SMC3: variants seen among roughly 807,000 people sequenced by gnomAD.
SMC3 encodes the protein structural maintenance of chromosomes protein 3.
A neutral mutation model predicts 171.8 loss-of-function variants in SMC3; 20 were observed. That is an observed-to-expected ratio of 0.12 (90% CI 0.08 to 0.17). The LOEUF (loss-of-function observed/expected upper bound fraction) is 0.17, where lower values mean the gene tolerates loss of function less well. Ranked by LOEUF, SMC3 falls within the 10% of genes least tolerant of loss-of-function variation. The pLI is 1.00. For missense variants in SMC3, 543 were observed against 1,420.4 expected, an observed-to-expected ratio of 0.38 and a Z score of 9.93; for synonymous variants, 464 against 451.1, an observed-to-expected ratio of 1.03 and a Z score of -0.36.
Position 110,602,099 on chromosome 10 carries a change from G to C in SMC3, c.3026G>C (p.Arg1009Thr), listed in dbSNP as rs1861396105. ...KLIKRQEELDRGYKSIMELMN... is the reference protein window; with the variant it reads ...KLIKRQEELDTGYKSIMELMN... ...ATAAAGCGTCAAGAAGAGTTAGATA[G>C]GGGTTACAAATCAATCATGGAACTG... The change falls in exon 25 of 29, where the codon AGG becomes ACG. Residue 1009 changes from arginine (R) to threonine (T), a missense_variant. Around this residue, in one of 8 missense-constraint regions of SMC3, gnomAD observed 81 missense variants for 184.2 expected, o/e 0.44. Transcript: ENST00000361804. The C allele has an allele frequency of 6.2e-7, 1 of 1,613,600 alleles. No individual in the cohort carries two copies. Among genetic ancestry groups the C allele is most frequent in the Non-Finnish European group, 8.5e-7 (1 of 1,179,718 alleles).
intron 19 of SMC3, 84 bp from the exon 20 acceptor site, chr10:110,598,055 G>GATA: frequency 8.1e-7 from 1 of 1,237,642 alleles, no homozygotes; most frequent in East Asian, 2.3e-5. Flanking sequence ...GAAAAGGAAG[G>GATA]GATACATGGT....
At chr10:110,594,752 G>T (rs778277982) in intron 18 of SMC3, among the ~76,000 whole-genome samples, 63 of 151,730 alleles carry the variant, frequency 4.2e-4, no homozygotes, top group Non-Finnish European at 8.1e-4. Flanking sequence ...TTTTGTTGTG[G>T]TTGTTTTTGA....
intron 7 of SMC3, among the ~76,000 whole-genome samples, chr10:110,580,006 A>G (rs1422748460): frequency 6.6e-6 from 1 of 152,178 alleles, no homozygotes; most frequent in Non-Finnish European, 1.5e-5. Flanking sequence ...CACATCTGCA[A>G]GTTCAGCCAA....
At chr10:110,602,218 C>CA in intron 25 of SMC3, 40 bp downstream of exon 25, 4 of 1,512,072 alleles carry the variant, frequency 2.6e-6, no homozygotes, top group Non-Finnish European at 3.7e-6. Context: ...ACACAGAGGA[C>CA]AAAAGCTTCC....
chr10:110,603,151 G>T (rs1215298139), intron 27 of SMC3, 33 bp from the exon 28 acceptor site: 1 of 1,563,062 alleles, frequency 6.4e-7, no homozygotes, highest in Non-Finnish European at 8.8e-7. Context: ...CTGCTGAAAA[G>T]AAATTTGTTA....
rs759649805 is a variant in SMC3 at position 110,578,727 on chromosome 10, T to C, written c.429+21T>C. The C allele has an allele frequency of 3.3e-6, 5 of 1,535,602 alleles. No homozygotes were observed. The African/African-American group carries it at 6.8e-5, about 21-fold the overall frequency. On this transcript the variant is annotated intron_variant, in intron 7 of 28. Transcript: ENST00000361804. ...GAAAGGTAAAACAATTGTATGTCCT[T>C]TTTAAGTAGAATTTGTTTTCTGAGT...
At chr10:110,588,079 A>C (rs12220839) in intron 13 of SMC3, among the ~76,000 whole-genome samples, 150,686 of 152,294 alleles carry the variant, frequency 0.99, 74,557 homozygotes, top group East Asian at 1. Flanking sequence ...CAACCTCCCC[A>C]TCCTGGGTTC....
intron 23 of SMC3, 35 bp downstream of exon 23, chr10:110,601,165 C>A: frequency 7.0e-7 from 1 of 1,428,372 alleles, no homozygotes; most frequent in Non-Finnish European, 9.9e-7. Context: ...TGTTTATATG[C>A]ATGTTTTATA....
chr10:110,569,101 G>T, intron 2 of SMC3, 88 bp downstream of exon 2: 1 of 860,672 alleles, frequency 1.2e-6, no homozygotes, highest in Non-Finnish European at 2.0e-6. Context: ...TAAGGAGACA[G>T]GAATTGTCTT....
chr10:110,586,158 A>G (rs1861111975), intron 13 of SMC3, among the ~76,000 whole-genome samples: 1 of 152,216 alleles, frequency 6.6e-6, no homozygotes, highest in East Asian at 1.9e-4. Flanking sequence ...AAATGTATCC[A>G]AAACCTCAGT....
chr10:110,577,165 T>C (rs770727069), intron 4 of SMC3, among the ~76,000 whole-genome samples: 1 of 152,128 alleles, frequency 6.6e-6, no homozygotes, highest in Non-Finnish European at 1.5e-5. Flanking sequence ...TTGAGAAGTT[T>C]TGTTGTCCTA....
At chr10:110,578,105 G>T (rs1266372592) in intron 6 of SMC3, among the ~76,000 whole-genome samples, 191 bp downstream of exon 6, 1 of 151,598 alleles carries the variant, frequency 6.6e-6, no homozygotes, top group Non-Finnish European at 1.5e-5. Flanking sequence ...ACGGAGTCTT[G>T]CTCTGTCGCC....
At chr10:110,596,344 T>C (rs757520165) in intron 18 of SMC3, 54 bp from the exon 19 acceptor site, 187 of 1,508,038 alleles carry the variant, frequency 1.2e-4, no homozygotes, top group Non-Finnish European at 1.5e-4. Context: ...TATAAGTCAA[T>C]TTATCATTGA....
At chr10:110,595,411 C>T (rs1038027156) in intron 18 of SMC3, among the ~76,000 whole-genome samples, 16 of 152,174 alleles carry the variant, frequency 1.1e-4, no homozygotes, top group African/African-American at 3.6e-4. Context: ...ATGAATGCTA[C>T]ATGAATGATA....
Position 110,581,035 on chromosome 10 carries a change from G to A in SMC3, c.547+14G>A. On this transcript the variant is annotated intron_variant, in intron 8 of 28. Transcript: ENST00000361804. ...TGAAAGAAACAGGTAAAATAAATGT[G>A]ATTCTGCCTTATTTTTTTGTTGCAA... 1 of 1,385,066 alleles carries A rather than the reference G, an allele frequency of 7.2e-7. No individual in the cohort carries two copies. The highest frequency in any genetic ancestry group is 1.0e-6 in the Non-Finnish European group (1 of 971,256). 85.8% of individuals were successfully genotyped at this position (1,385,066 alleles called of 1,614,324 possible).
intron 13 of SMC3, among the ~76,000 whole-genome samples, chr10:110,587,926 T>G (rs1243662574): frequency 6.6e-6 from 1 of 152,238 alleles, no homozygotes; most frequent in Non-Finnish European, 1.5e-5. Context: ...CAGATACCAC[T>G]GAGTCCCAAA....
rs1005810671 is a variant in SMC3, at chr10:110,567,705, G to C, written c.-112G>C. The C allele has an allele frequency of 7.5e-7, 1 of 1,339,224 alleles. No individual in the cohort carries two copies. Among genetic ancestry groups the C allele is most frequent in the Non-Finnish European group, 1.1e-6 (1 of 941,018 alleles). The allele number at this position is 1,339,224 out of a possible 1,614,324, so 83.0% of individuals were successfully genotyped here. On this transcript the variant is annotated 5_prime_UTR_variant, in exon 1 of 29. Transcript: ENST00000361804. ...GAGCGCCGCCATTTTGTTTGGCTGA[G>C]GGGAGCGAGCGGCGCTTTGGGGGAG...
rs375483411 is a variant in SMC3, at chr10:110,590,947, C to A, written c.1671-44C>A. ...GATAAGTTTGGGCAACATAGGGAGA[C>A]CCTGAGTACCAATAAAGATTTGTCT... On this transcript the variant is annotated intron_variant, in intron 16 of 28. Transcript: ENST00000361804. 5.7e-6 allele frequency: 9 copies of A among 1,591,602 alleles called. No individual in the cohort carries two copies. In the African/African-American group the frequency reaches 1.1e-4, roughly 19 times the overall value.
intron 2 of SMC3, among the ~76,000 whole-genome samples, chr10:110,569,320 C>T (rs1286590414): frequency 6.6e-6 from 1 of 152,136 alleles, no homozygotes; most frequent in Non-Finnish European, 1.5e-5. Flanking sequence ...AAAATGCTGA[C>T]TGTTGCCTTA....
Sources: gnomAD v4.1 joint callset for allele counts (sites outside exome capture counted in the v4.1 genomes callset) on GRCh38, gnomAD v4.1.1 for gene constraint, gnomAD v4.1.1 regional missense constraint, MANE v1.5 for transcripts, NCBI Gene and HGNC (gene_info 2026-07-23, HGNC 2026-07-21) for gene names.